The following RAP2A variants were observed in gnomAD, a reference collection of about 807,000 sequenced individuals.
RAP2A encodes the protein RAP2A, member of RAS oncogene family, also known as ras-related protein Rap-2a.
In RAP2A, 5 loss-of-function variants were observed where a neutral mutation model predicts 15.1. The observed-to-expected ratio is 0.33, with a 90% CI of 0.17 to 0.70. The LOEUF is 0.70. Among genes scored for constraint, RAP2A ranks in the 30% least tolerant of loss-of-function variants. The pLI is 0.68. For synonymous variants in RAP2A, 110 were observed against 99.7 expected (o/e 1.10, Z -0.62); for missense variants, 111 against 240.3 (o/e 0.46, Z 3.56).
chr13:97,455,669 A>G (rs2066719959), intron 1 of RAP2A, among the ~76,000 whole-genome samples: 1 of 150,108 alleles, frequency 6.7e-6, no homozygotes, highest in Non-Finnish European at 1.5e-5. Context: ...GAGACATAGG[A>G]GTGGTTTAAA....
At chr13:97,436,704 T>A (rs181216913) in intron 1 of RAP2A, among the ~76,000 whole-genome samples, 1 of 152,326 alleles carries the variant, frequency 6.6e-6, no homozygotes, top group Non-Finnish European at 1.5e-5. Context: ...TTATTTTCAC[T>A]ATGACCCAGA....
intron 1 of RAP2A, among the ~76,000 whole-genome samples, chr13:97,441,298 T>C (rs952967636): frequency 6.6e-6 from 1 of 152,116 alleles, no homozygotes; most frequent in African/African-American, 2.4e-5. Flanking sequence ...CTAATACTTA[T>C]TTTTTAATGG....
At chr13:97,459,164 G>A (rs1023201920) in intron 1 of RAP2A, among the ~76,000 whole-genome samples, 1 of 152,088 alleles carries the variant, frequency 6.6e-6, no homozygotes, top group Non-Finnish European at 1.5e-5. Flanking sequence ...ATGTAAGCAA[G>A]GTGGTATCTT....
At chr13:97,449,238 G>C (rs376338372) in intron 1 of RAP2A, among the ~76,000 whole-genome samples, 2 of 152,172 alleles carry the variant, frequency 1.3e-5, no homozygotes, top group South Asian at 2.1e-4. Flanking sequence ...TGGGATAGTT[G>C]GTTGGGGGAA....
intron 1 of RAP2A, among the ~76,000 whole-genome samples, chr13:97,438,397 T>C (rs2066642907): frequency 6.6e-6 from 1 of 152,220 alleles, no homozygotes; most frequent in Admixed American, 6.5e-5. Flanking sequence ...TGGGCTCTCC[T>C]TTGGCCTGTG....
In RAP2A at chr13:97,441,193, T is replaced by G. The variant is rs533019616; in HGVS notation, c.314+6409T>G. On this transcript the variant is annotated intron_variant, in intron 1 of 1. Transcript: ENST00000245304. ...ATGAGGGAAGGGGTCAAGTTTAATA[T>G]GAACCTTAAAGAATCAGCAGCCTGT... 4.6e-5 allele frequency among the ~76,000 whole-genome samples: 7 copies of G among 152,264 alleles called. No homozygotes were observed. In the South Asian group the frequency reaches 1.5e-3, roughly 32 times the overall value.
chr13:97,462,038 ATATT>A (rs984258298), intron 1 of RAP2A, among the ~76,000 whole-genome samples: 4 of 132,836 alleles, frequency 3.0e-5, no homozygotes, highest in East Asian at 4.0e-4. Flanking sequence ...ATATTTATAT[ATATT>A]TATATATATA....
intron 1 of RAP2A, among the ~76,000 whole-genome samples, chr13:97,460,951 C>T (rs1406884044): frequency 6.6e-6 from 1 of 152,116 alleles, no homozygotes; most frequent in African/African-American, 2.4e-5. Context: ...AGTTCTTTAC[C>T]TCCTTTGATC....
At chr13:97,458,198 TGTGAAAAGATGAATGAGGGGA>T (rs1226339947) in intron 1 of RAP2A, among the ~76,000 whole-genome samples, 2 of 152,194 alleles carry the variant, frequency 1.3e-5, no homozygotes, top group African/African-American at 4.8e-5. Context: ...ATTTTAACTG[TGTGAAAAGATGAATGAGGGGA>T]CTTAGAAAAG....
At chr13:97,450,143 ATCT>A (rs2066696358) in intron 1 of RAP2A, among the ~76,000 whole-genome samples, 1 of 152,180 alleles carries the variant, frequency 6.6e-6, no homozygotes, top group African/African-American at 2.4e-5. Context: ...CTTTATTTAA[ATCT>A]TCTTCATTCA....
Position 97,464,695 on chromosome 13 carries a change from A to G in RAP2A, c.*253A>G. ...TTTAAGGCATAGTCCATCGATCTAC[A>G]GGGTGATCTCATTTGAAAGCTATGA... On this transcript the variant is annotated 3_prime_UTR_variant, in exon 2 of 2. Coordinates refer to ENST00000245304, the MANE Select transcript of RAP2A (RefSeq NM_021033.7). 1 of 486,126 alleles carries G rather than the reference A, an allele frequency of 2.1e-6. No individual in the cohort carries two copies. Among genetic ancestry groups the G allele is most frequent in the South Asian group, 3.3e-5 (1 of 30,340 alleles). 30.1% of individuals were successfully genotyped at this position (486,126 alleles called of 1,614,324 possible).
chr13:97,436,638 C>T (rs1339263757), intron 1 of RAP2A, among the ~76,000 whole-genome samples: 1 of 152,106 alleles, frequency 6.6e-6, no homozygotes, highest in Non-Finnish European at 1.5e-5. Context: ...GTGCAGATTA[C>T]TTTTCTCAGT....
At chr13:97,460,497 G>A (rs757756912) in intron 1 of RAP2A, among the ~76,000 whole-genome samples, 6 of 152,128 alleles carry the variant, frequency 3.9e-5, no homozygotes, top group Admixed American at 2.0e-4. Flanking sequence ...TCTGGGACAG[G>A]AGTCCTAGTC....
At chr13:97,450,355 A>G (rs1168846816) in intron 1 of RAP2A, among the ~76,000 whole-genome samples, 1 of 152,180 alleles carries the variant, frequency 6.6e-6, no homozygotes, top group Non-Finnish European at 1.5e-5. Flanking sequence ...TTCAAGTACA[A>G]TAGTCAGGCC....
At chr13:97,462,303 A>C (rs1336681539) in intron 1 of RAP2A, among the ~76,000 whole-genome samples, 2 of 152,068 alleles carry the variant, frequency 1.3e-5, no homozygotes, top group Non-Finnish European at 2.9e-5. Context: ...ACGAAATGTA[A>C]TTACATTTTG....
At chr13:97,437,647 T>G (rs1207689801) in intron 1 of RAP2A, 1 of 152,234 alleles carries the variant, frequency 6.6e-6, no homozygotes, top group African/African-American at 2.4e-5. Flanking sequence ...AATTCATTAC[T>G]TAGTATATTC....
intron 1 of RAP2A, among the ~76,000 whole-genome samples, chr13:97,460,702 C>T (rs2066742628): frequency 6.6e-6 from 1 of 152,128 alleles, no homozygotes; most frequent in South Asian, 2.1e-4. Flanking sequence ...TCTGTCACCC[C>T]AATCCAGAGC....
At position 97,465,209 on chromosome 13, in the gene RAP2A, G is replaced by A. The variant is rs1242492076; in HGVS notation, c.*767G>A. The stretch of plus-strand genomic sequence containing the variant: ...ACCCCAAACCCGCCCTCTGTTAGGG[G>A]TGGTCTTTATAACTTTACTGAACAA... On this transcript the variant is annotated 3_prime_UTR_variant, in exon 2 of 2. Coordinates refer to ENST00000245304, the MANE Select transcript of RAP2A (RefSeq NM_021033.7). 2 of 152,560 alleles carry A rather than the reference G, an allele frequency of 1.3e-5. No homozygotes were observed. The highest frequency in any genetic ancestry group is 2.4e-5 in the African/African-American group (1 of 41,454). 9.5% of individuals were successfully genotyped at this position (152,560 alleles called of 1,614,324 possible).
intron 1 of RAP2A, among the ~76,000 whole-genome samples, chr13:97,461,253 CAG>C (rs1293491852): frequency 1.3e-5 from 2 of 152,158 alleles, no homozygotes; most frequent in Non-Finnish European, 2.9e-5. Flanking sequence ...CAAATTTTAA[CAG>C]AGAGACAAAA....
Sources: gnomAD v4.1 joint callset for allele counts (sites outside exome capture counted in the v4.1 genomes callset) on GRCh38, gnomAD v4.1.1 for gene constraint, MANE v1.5 for transcripts, NCBI Gene and HGNC (gene_info 2026-07-23, HGNC 2026-07-21) for gene names.